VPS13B: variants seen among roughly 807,000 people sequenced by gnomAD.
VPS13B encodes intermembrane lipid transfer protein VPS13B.
A neutral mutation model predicts 426.4 loss-of-function variants in VPS13B; 285 were observed. The observed-to-expected ratio is 0.67, with a 90% CI of 0.61 to 0.74. VPS13B has a LOEUF of 0.74. VPS13B is among the 30% of genes least tolerant of loss of function. The probability of loss-of-function intolerance (pLI) is 0.00; values close to 1 mark genes in which losing one functional copy is unlikely to be tolerated. For missense variants in VPS13B, 4,537 were observed against 4,782.6 expected (o/e 0.95, Z 1.51); for synonymous variants, 1,676 against 1,676.4 (o/e 1.00, Z 0.01).
chr8:99,302,507 T>C (rs1212598957), intron 19 of VPS13B, among the ~76,000 whole-genome samples: 2 of 152,146 alleles, frequency 1.3e-5, no homozygotes, highest in Non-Finnish European at 2.9e-5. Context: ...TTGAATACTC[T>C]ATTGATTTTT....
intron 3 of VPS13B, among the ~76,000 whole-genome samples, chr8:99,067,661 T>G (rs1331478077): frequency 2.0e-5 from 3 of 152,274 alleles, no homozygotes; most frequent in Non-Finnish European, 4.4e-5. Flanking sequence ...TCCATAAATT[T>G]TGGAATGCCT....
chr8:99,575,540 T>C, intron 31 of VPS13B, 118 bp from the exon 32 acceptor site: 2 of 1,291,020 alleles, frequency 1.5e-6, no homozygotes, highest in Non-Finnish European at 2.2e-6. Flanking sequence ...ATAGGCACTC[T>C]CAAAATAATA....
chr8:99,550,902 C>T (rs765603756), intron 30 of VPS13B, among the ~76,000 whole-genome samples: 3 of 151,992 alleles, frequency 2.0e-5, no homozygotes, highest in Admixed American at 6.6e-5. Flanking sequence ...AGGATACAGT[C>T]TATATGATAC....
In VPS13B at chr8:99,261,946, T is replaced by C. The variant is rs1031217077; in HGVS notation, c.2516-12252T>C. On this transcript the variant is annotated intron_variant, in intron 17 of 61. Coordinates refer to ENST00000357162, the MANE Select transcript of VPS13B (RefSeq NM_152564.5). The stretch of plus-strand genomic sequence containing the variant: ...GCATTTAAAAATCATTCTGTCACTG[T>C]GAAGCTGAACTTTTACTTGTCAGAT... Among the ~76,000 whole-genome samples the C allele has an allele frequency of 3.3e-5, 5 of 152,306 alleles. No individual in the cohort carries two copies. The South Asian group carries it at 1.0e-3, about 32-fold the overall frequency.
intron 22 of VPS13B, among the ~76,000 whole-genome samples, chr8:99,436,888 G>A (rs980291126): frequency 2.6e-5 from 4 of 151,924 alleles, no homozygotes; most frequent in African/African-American, 7.3e-5. Flanking sequence ...ACAGGTGCCC[G>A]CCACCATGCC....
At chr8:99,211,363 A>G (rs1427792786) in intron 17 of VPS13B, among the ~76,000 whole-genome samples, 1 of 152,122 alleles carries the variant, frequency 6.6e-6, no homozygotes, top group Non-Finnish European at 1.5e-5. Context: ...TCCACCCGGT[A>G]ATAGTAAGTA....
At chr8:99,809,582 T>C in intron 44 of VPS13B, 52 bp downstream of exon 44, 1 of 1,606,752 alleles carries the variant, frequency 6.2e-7, no homozygotes, top group Non-Finnish European at 8.5e-7. Context: ...TTCAGTGTAA[T>C]GGAGATGAAA....
At chr8:99,336,391 G>C (rs1810869032) in intron 19 of VPS13B, among the ~76,000 whole-genome samples, 1 of 152,186 alleles carries the variant, frequency 6.6e-6, no homozygotes, top group East Asian at 1.9e-4. Flanking sequence ...TTAAACGTTA[G>C]ACCTAAAACC....
chr8:99,064,315 A>G (rs571440359), intron 3 of VPS13B, among the ~76,000 whole-genome samples: 2 of 152,200 alleles, frequency 1.3e-5, no homozygotes, highest in Non-Finnish European at 2.9e-5. Context: ...TCTCTGAGCT[A>G]AAGGAGGATG....
At chr8:99,584,812 T>A (rs1826228379) in intron 33 of VPS13B, among the ~76,000 whole-genome samples, 1 of 152,176 alleles carries the variant, frequency 6.6e-6, no homozygotes, top group Non-Finnish European at 1.5e-5. Flanking sequence ...ATGCGTCAAA[T>A]ACTATTATGG....
intron 21 of VPS13B, among the ~76,000 whole-genome samples, chr8:99,418,189 A>G (rs1816141693): frequency 1.3e-5 from 2 of 152,154 alleles, no homozygotes; most frequent in Non-Finnish European, 2.9e-5. Flanking sequence ...CCTTAAGAAG[A>G]TAATAGGTAC....
chr8:99,373,176 A>G (rs896238346), intron 19 of VPS13B, among the ~76,000 whole-genome samples: 1 of 152,094 alleles, frequency 6.6e-6, no homozygotes, highest in East Asian at 1.9e-4. Flanking sequence ...GTGGGGGGCA[A>G]TGGGAGAGAA....
At chr8:99,607,570 T>C (rs1465983998) in intron 33 of VPS13B, among the ~76,000 whole-genome samples, 1 of 152,204 alleles carries the variant, frequency 6.6e-6, no homozygotes, top group African/African-American at 2.4e-5. Context: ...TATTGAATTA[T>C]ATATAGGTCT....
At chr8:99,120,636 G>T (rs181258085) in intron 7 of VPS13B, 5,135 of 152,322 alleles carry the variant, frequency 0.034, 122 homozygotes, top group Non-Finnish European at 0.047. Context: ...ACATATAAAA[G>T]TTGTTTTATT....
At chr8:99,727,806 A>G (rs965477066) in intron 39 of VPS13B, among the ~76,000 whole-genome samples, 1 of 152,208 alleles carries the variant, frequency 6.6e-6, no homozygotes, top group Non-Finnish European at 1.5e-5. Context: ...ATGACTAGTC[A>G]GCTCTGGAGC....
At chr8:99,661,585 C>CA in intron 35 of VPS13B, 94 bp downstream of exon 35, 6 of 1,467,886 alleles carry the variant, frequency 4.1e-6, no homozygotes, top group Middle Eastern at 1.9e-4. Context: ...ACATTCCGTG[C>CA]AAAAAATGAA....
rs142117229 is a variant in VPS13B, at chr8:99,607,728, A to T, written c.5220+30095A>T. Among the ~76,000 whole-genome samples, 1,073 of 152,324 alleles carry T rather than the reference A, an allele frequency of 7.0e-3. 6 individuals are homozygous for T. Among genetic ancestry groups the T allele is most frequent in the Non-Finnish European group, 0.011 (751 of 68,014 alleles). On this transcript the variant is annotated intron_variant, in intron 33 of 61. Transcript: ENST00000357162. ...GAACTTTTATTTATGTGGGTTGGCT[A>T]TAACTCATTACTGTTTATTAGCTAT...
At chr8:99,610,038 T>C (rs560796760) in intron 33 of VPS13B, among the ~76,000 whole-genome samples, 1 of 152,344 alleles carries the variant, frequency 6.6e-6, no homozygotes, top group African/African-American at 2.4e-5. Flanking sequence ...CACACCCAAC[T>C]TTCTGTCCCT....
chr8:99,084,925 AT>A (rs1320772544), intron 3 of VPS13B, among the ~76,000 whole-genome samples: 7 of 152,186 alleles, frequency 4.6e-5, no homozygotes, highest in Admixed American at 3.9e-4. Flanking sequence ...AAGAATGTAT[AT>A]TCTGTTGATT....
Sources: allele counts gnomAD v4.1 joint callset (sites outside exome capture counted in the v4.1 genomes callset), GRCh38; gene constraint gnomAD v4.1.1; transcripts MANE v1.5; gene names NCBI Gene and HGNC (gene_info 2026-07-23, HGNC 2026-07-21).